The following PAK1 variants were observed in gnomAD, a reference collection of about 807,000 sequenced individuals.
PAK1 encodes p21 (RAC1) activated kinase 1.
Under a neutral mutation model 67.4 loss-of-function variants are expected in PAK1, and 29 were observed. That is an observed-to-expected ratio of 0.43 (90% CI 0.32 to 0.59). The LOEUF (loss-of-function observed/expected upper bound fraction) is 0.59, where lower values mean the gene tolerates loss of function less well. Among genes scored for constraint, PAK1 ranks in the 20% least tolerant of loss-of-function variants. The pLI, the probability that PAK1 is intolerant of heterozygous loss-of-function variation, is 0.07. For synonymous variants in PAK1, 223 were observed against 237.4 expected (o/e 0.94, Z 0.56); for missense variants, 337 against 670.7 (o/e 0.50, Z 5.50).
At chr11:77,471,877 C>T (rs551023238) in intron 1 of PAK1, among the ~76,000 whole-genome samples, 1 of 152,122 alleles carries the variant, frequency 6.6e-6, no homozygotes, top group African/African-American at 2.4e-5. Flanking sequence ...AAGCTTTTTA[C>T]CAAATGCCCT....
chr11:77,504,791 C>T, the PAK1 span, among the ~76,000 whole-genome samples: 1 of 152,220 alleles, frequency 6.6e-6, no homozygotes, highest in Non-Finnish European at 1.5e-5. Flanking sequence ...CATATACGTG[C>T]ATTGAGCACC....
At chr11:77,502,946 C>T in the PAK1 span, among the ~76,000 whole-genome samples, 3 of 152,052 alleles carry the variant, frequency 2.0e-5, no homozygotes, top group Non-Finnish European at 1.5e-5. Flanking sequence ...TTAATAAGCA[C>T]GTGTGATTTA....
At chr11:77,323,774 G>A (rs1049775810) in intron 14 of PAK1, among the ~76,000 whole-genome samples, 1 of 152,166 alleles carries the variant, frequency 6.6e-6, no homozygotes, top group African/African-American at 2.4e-5. Context: ...TAAGTAATTG[G>A]TACACTGACA....
chr11:77,477,924 A>G (rs893860883), upstream of PAK1, among the ~76,000 whole-genome samples: 3 of 152,210 alleles, frequency 2.0e-5, no homozygotes, highest in Non-Finnish European at 2.9e-5. Flanking sequence ...CCGTGTCTCA[A>G]AAATAAACAA....
chr11:77,378,963 G>C (rs1949460775), intron 4 of PAK1, among the ~76,000 whole-genome samples: 1 of 152,172 alleles, frequency 6.6e-6, no homozygotes, highest in Non-Finnish European at 1.5e-5. Flanking sequence ...GTAGAACCTA[G>C]TAAAGGTCAG....
At chr11:77,444,369 G>T (rs1956501030) in intron 1 of PAK1, among the ~76,000 whole-genome samples, 1 of 151,768 alleles carries the variant, frequency 6.6e-6, no homozygotes, top group African/African-American at 2.4e-5. Context: ...TCCAGGGTGG[G>T]ACGTGGGTAT....
At chr11:77,378,706 G>A (rs1394448542) in intron 4 of PAK1, among the ~76,000 whole-genome samples, 1 of 152,072 alleles carries the variant, frequency 6.6e-6, no homozygotes, top group Non-Finnish European at 1.5e-5. Flanking sequence ...CTTCTCCTCA[G>A]CTTCCCAAGT....
chr11:77,421,830 T>C lies in PAK1; in HGVS notation c.-21-29289A>G, dbSNP rs569497033. On this transcript the variant is annotated intron_variant, in intron 1 of 14. Transcript: ENST00000356341. ...AGGGAGGAAGAAATGGAGAATTCTA[T>C]AAGAACATTATAATAATCAGAGGTA... Among the ~76,000 whole-genome samples the C allele has an allele frequency of 5.3e-5, 8 of 152,334 alleles. No homozygotes were observed. In the East Asian group the frequency reaches 1.5e-3, roughly 29 times the overall value.
At chr11:77,520,218 TAAGGATAAGGAC>T in the PAK1 span, among the ~76,000 whole-genome samples, 1 of 152,124 alleles carries the variant, frequency 6.6e-6, no homozygotes, top group Non-Finnish European at 1.5e-5. Context: ...TGCATTAGAA[TAAGGATAAGGAC>T]AAGGATAAGG....
In PAK1 at chr11:77,448,473, T is replaced by C. The variant is rs186212077; in HGVS notation, c.-22+25079A>G. 2.3e-4 allele frequency among the ~76,000 whole-genome samples: 35 copies of C among 152,340 alleles called. No homozygotes were observed. In the East Asian group the frequency reaches 6.4e-3, roughly 28 times the overall value. ...AAATATAATATAAGAAATGATGTCA[T>C]AGCCATTACAACAGAGTAACACATA... On this transcript the variant is annotated intron_variant, in intron 1 of 14. Transcript: ENST00000356341.
intron 1 of PAK1, among the ~76,000 whole-genome samples, chr11:77,468,413 T>C (rs1957698155): frequency 6.6e-6 from 1 of 151,994 alleles, no homozygotes; most frequent in Admixed American, 6.5e-5. Context: ...TTTCCCCATC[T>C]CAAAAACTAA....
At chr11:77,399,215 C>G (rs1952260483) in intron 1 of PAK1, among the ~76,000 whole-genome samples, 1 of 151,950 alleles carries the variant, frequency 6.6e-6, no homozygotes, top group Admixed American at 6.6e-5. Context: ...ATGACCTGAC[C>G]CTAGAGGCTA....
the PAK1 span, among the ~76,000 whole-genome samples, chr11:77,500,611 C>T: frequency 3.3e-5 from 5 of 152,086 alleles, no homozygotes; most frequent in African/African-American, 9.7e-5. Flanking sequence ...TTTGGGAAGC[C>T]GAGGCAGGAG....
chr11:77,326,931 G>C (rs557403417), intron 14 of PAK1, among the ~76,000 whole-genome samples: 108 of 152,266 alleles, frequency 7.1e-4, no homozygotes, highest in African/African-American at 2.5e-3. Context: ...ATGCAGACAA[G>C]TCCTTAAAGG....
chr11:77,334,830 A>T (rs1434600365), intron 13 of PAK1, among the ~76,000 whole-genome samples: 1 of 151,598 alleles, frequency 6.6e-6, no homozygotes, highest in Non-Finnish European at 1.5e-5. Context: ...CTTTAAGAGA[A>T]AAAAAAACCT....
chr11:77,495,326 T>C, the PAK1 span, among the ~76,000 whole-genome samples: 16 of 149,586 alleles, frequency 1.1e-4, no homozygotes, highest in East Asian at 3.2e-3. Flanking sequence ...ATACAAAAAT[T>C]AGCCAGGCGC....
At chr11:77,327,896 C>T (rs1044500816) in intron 14 of PAK1, among the ~76,000 whole-genome samples, 12 of 152,202 alleles carry the variant, frequency 7.9e-5, no homozygotes, top group Non-Finnish European at 1.5e-4. Context: ...ACCCATCTCA[C>T]GTGCAGAGAC....
At chr11:77,346,279 C>G (rs2136323581) in intron 9 of PAK1, among the ~76,000 whole-genome samples, 1 of 152,284 alleles carries the variant, frequency 6.6e-6, no homozygotes, top group South Asian at 2.1e-4. Context: ...GCCAGGAGTC[C>G]TTTTCAATAG....
chr11:77,349,907 T>C (rs535951783), intron 8 of PAK1, among the ~76,000 whole-genome samples: 11 of 152,160 alleles, frequency 7.2e-5, no homozygotes, highest in Non-Finnish European at 1.5e-4. Context: ...GAATATGGAC[T>C]TCCAGGGTGT....
Sources: allele counts gnomAD v4.1 joint callset (sites outside exome capture counted in the v4.1 genomes callset), GRCh38; gene constraint gnomAD v4.1.1; transcripts MANE v1.5; gene names NCBI Gene and HGNC (gene_info 2026-07-23, HGNC 2026-07-21).